Variants in ERC2 observed in about 807,000 individuals in gnomAD.
ERC2 encodes ERC protein 2.
ERC2 carries 42 observed loss-of-function variants against 114.8 expected under a neutral mutation model. The ratio of observed to expected loss-of-function variants is 0.37; its 90% CI spans 0.29 to 0.47. The LOEUF (loss-of-function observed/expected upper bound fraction) is 0.47. Among genes scored for constraint, ERC2 ranks in the 20% least tolerant of loss-of-function variants. The probability of loss-of-function intolerance (pLI) is 0.99; values close to 1 mark genes in which losing one functional copy is unlikely to be tolerated. For missense variants in ERC2, 939 were observed against 1,150.7 expected (o/e 0.82, Z 2.66); for synonymous variants, 454 against 425.5 (o/e 1.07, Z -0.82).
At chr3:55,782,709 C>A (rs2069155617) in intron 14 of ERC2, among the ~76,000 whole-genome samples, 1 of 152,128 alleles carries the variant, frequency 6.6e-6, no homozygotes, top group African/African-American at 2.4e-5. Flanking sequence ...TAAGCAAGGC[C>A]AACTGACAAT....
chr3:55,953,618 A>G (rs529374237), intron 12 of ERC2, among the ~76,000 whole-genome samples: 4 of 152,166 alleles, frequency 2.6e-5, no homozygotes, highest in Non-Finnish European at 2.9e-5. Context: ...GCAGAGCCTC[A>G]CTACCAGATA....
chr3:56,000,885 C>T (rs1482687935), intron 10 of ERC2, among the ~76,000 whole-genome samples: 2 of 138,282 alleles, frequency 1.4e-5, no homozygotes, highest in Non-Finnish European at 3.1e-5. Context: ...GAGACTTCGT[C>T]TTAAGTTTAA....
chr3:55,651,014 AT>A (rs71096493), intron 17 of ERC2, among the ~76,000 whole-genome samples: 31,818 of 96,356 alleles, frequency 0.33, 3,300 homozygotes, highest in East Asian at 0.52. Context: ...CACCCAGCTA[AT>A]TTTTTTTTTT....
intron 2 of ERC2, among the ~76,000 whole-genome samples, chr3:56,330,430 T>G (rs2057558596): frequency 6.6e-6 from 1 of 152,170 alleles, no homozygotes; most frequent in South Asian, 2.1e-4. Context: ...ACTAAAGATC[T>G]AGGAGGATGC....
chr3:56,415,582 T>C (rs2061118377), intron 2 of ERC2, among the ~76,000 whole-genome samples: 1 of 152,242 alleles, frequency 6.6e-6, no homozygotes. Context: ...TTTCTTGGAT[T>C]ATTTAAGAAC....
At chr3:56,077,886 A>T (rs1010156537) in intron 7 of ERC2, among the ~76,000 whole-genome samples, 1 of 152,198 alleles carries the variant, frequency 6.6e-6, no homozygotes, top group African/African-American at 2.4e-5. Context: ...CTCACTAGGT[A>T]GTGGTCAAAA....
At chr3:56,331,309 C>G (rs182299145) in intron 2 of ERC2, among the ~76,000 whole-genome samples, 77 of 152,244 alleles carry the variant, frequency 5.1e-4, no homozygotes, top group African/African-American at 1.8e-3. Flanking sequence ...AGTAAGAACC[C>G]CCTACTCTTG....
At chr3:56,286,414 CAAAAAAAAAAAA>C (rs778645110) in intron 3 of ERC2, among the ~76,000 whole-genome samples, 3 of 30,334 alleles carry the variant, frequency 9.9e-5, no homozygotes, top group East Asian at 1.3e-3. Flanking sequence ...AACTCCATCT[CAAAAAAAAAAAA>C]AAAAAAAAAA....
intron 12 of ERC2, among the ~76,000 whole-genome samples, chr3:55,984,260 T>C (rs563226356): frequency 6.6e-6 from 1 of 151,050 alleles, no homozygotes; most frequent in East Asian, 2.0e-4. Flanking sequence ...CTTCTGAGAG[T>C]CAGAGTTCAT....
chr3:55,645,821 A>G (rs2060371777), intron 17 of ERC2, among the ~76,000 whole-genome samples: 1 of 152,172 alleles, frequency 6.6e-6, no homozygotes, highest in Non-Finnish European at 1.5e-5. Context: ...ACGTTGGATA[A>G]TGAATTTTCG....
chr3:56,017,805 C>T (rs1351140813), intron 8 of ERC2, among the ~76,000 whole-genome samples: 1 of 152,112 alleles, frequency 6.6e-6, no homozygotes, highest in African/African-American at 2.4e-5. Context: ...TCCATTAGAG[C>T]CAGGATTTTC....
At position 56,040,631 on chromosome 3, in the gene ERC2, T is replaced by C. The variant is rs2075112258; in HGVS notation, c.1642-21600A>G. Among the ~76,000 whole-genome samples, 2 of 135,126 alleles carry C rather than the reference T, an allele frequency of 1.5e-5. 1 individual carries two copies. The highest frequency in any genetic ancestry group is 4.5e-4 in the South Asian group (2 of 4,398). 88.6% of individuals were successfully genotyped at this position (135,126 alleles called of 152,430 possible). A position where few individuals can be genotyped will look rare whatever the true frequency, so the allele number is the denominator to read the frequency against. Reference sequence around the variant, plus strand: ...TATATAATATATAGATGTATATGTATATATACATATATAGATGTATATGTA... The same window carrying C: ...TATATAATATATAGATGTATATGTACATATACATATATAGATGTATATGTA... On this transcript the variant is annotated intron_variant, in intron 7 of 17. Transcript: ENST00000288221.
At chr3:56,208,796 G>A (rs1198222902) in intron 3 of ERC2, among the ~76,000 whole-genome samples, 2 of 152,124 alleles carry the variant, frequency 1.3e-5, no homozygotes, top group Non-Finnish European at 2.9e-5. Flanking sequence ...GGGGTTGGGA[G>A]GTGCTCTATA....
intron 6 of ERC2, among the ~76,000 whole-genome samples, chr3:56,117,107 A>T (rs2079282794): frequency 6.6e-6 from 1 of 152,184 alleles, no homozygotes; most frequent in Non-Finnish European, 1.5e-5. Context: ...TCTGACACAA[A>T]GCCTCTGCTC....
rs181259167 is a variant in ERC2 at position 56,330,767 on chromosome 3, C to T, written c.658-34332G>A. Among the ~76,000 whole-genome samples the T allele has an allele frequency of 3.1e-3, 479 of 152,234 alleles. 4 individuals carry two copies. Among genetic ancestry groups the T allele is most frequent in the African/African-American group, 5.7e-3 (237 of 41,536 alleles). The stretch of plus-strand genomic sequence containing the variant: ...ATCCAAAAAAAATTAAAATCTGAAA[C>T]ACTTCTGGTCCCAGGCATCTTGGAT... On this transcript the variant is annotated intron_variant, in intron 2 of 17. Transcript: ENST00000288221.
In ERC2 at chr3:55,955,570, C is replaced by T. The variant is rs367871578; in HGVS notation, c.2268-5010G>A. On this transcript the variant is annotated intron_variant, in intron 12 of 17. Coordinates refer to ENST00000288221, the MANE Select transcript of ERC2 (RefSeq NM_015576.3). ...ATTATTCATATTGTTGTTTGTATTA[C>T]AGTTCATTGCTTATTGCTGAGTACT... Among the ~76,000 whole-genome samples, 4 of 152,294 alleles carry T rather than the reference C, an allele frequency of 2.6e-5. No individual in the cohort carries two copies. The South Asian group carries it at 6.2e-4, about 24-fold the overall frequency.
intron 13 of ERC2, among the ~76,000 whole-genome samples, chr3:55,895,816 C>T (rs140719819): frequency 3.0e-4 from 46 of 152,266 alleles, no homozygotes; most frequent in Non-Finnish European, 5.7e-4. Flanking sequence ...CTTTCCTACC[C>T]CATAAATCAG....
intron 3 of ERC2, among the ~76,000 whole-genome samples, chr3:56,208,912 C>T (rs890235662): frequency 6.6e-6 from 1 of 152,116 alleles, no homozygotes; most frequent in Non-Finnish European, 1.5e-5. Context: ...ACACCAACTC[C>T]CTTAGGAACT....
At chr3:55,698,205 C>A (rs1025102991) in intron 16 of ERC2, among the ~76,000 whole-genome samples, 2 of 151,836 alleles carry the variant, frequency 1.3e-5, no homozygotes, top group Non-Finnish European at 2.9e-5. Context: ...GTTGGGGTCT[C>A]GGAGGGCAAA....
Sources: allele counts gnomAD v4.1 joint callset (sites outside exome capture counted in the v4.1 genomes callset), GRCh38; gene constraint gnomAD v4.1.1; transcripts MANE v1.5; gene names NCBI Gene and HGNC (gene_info 2026-07-23, HGNC 2026-07-21).